NECAB2: variants seen among roughly 807,000 people sequenced by gnomAD.
The protein encoded by NECAB2 is N-terminal EF-hand calcium binding protein 2.
Under a neutral mutation model 51.9 loss-of-function variants are expected in NECAB2, and 68 were observed. The ratio of observed to expected loss-of-function variants is 1.31; its 90% CI spans 1.08 to 1.60. NECAB2 has a LOEUF of 1.60. Among genes scored for constraint, NECAB2 ranks in the 40% most tolerant of loss-of-function variants. NECAB2 has a pLI of 0.00. For missense variants in NECAB2, 854 were observed against 490.3 expected (o/e 1.74, Z -7.00); for synonymous variants, 329 against 203.5 (o/e 1.62, Z -5.25).
Position 84,002,360 on chromosome 16 carries a change from G to T in NECAB2, c.*14G>T. 2 of 1,613,710 alleles carry T rather than the reference G, an allele frequency of 1.2e-6. No individual in the cohort carries two copies. The highest frequency in any genetic ancestry group is 1.7e-6 in the Non-Finnish European group (2 of 1,179,792). On this transcript the variant is annotated 3_prime_UTR_variant, in exon 13 of 13. Coordinates refer to ENST00000305202, the MANE Select transcript of NECAB2 (RefSeq NM_019065.3). ...GGACGGGACTGACAGCCTCCCAGAG[G>T]CCCGTGGAGGAGCCCACCAGCCCCT... is the stretch of plus-strand genomic sequence containing the variant.
At chr16:84,000,069 TTTTA>T (rs773862940) in intron 10 of NECAB2, among the ~76,000 whole-genome samples, 10,136 of 151,840 alleles carry the variant, frequency 0.067, 1,068 homozygotes, top group African/African-American at 0.23. Context: ...TTTTTTTTTT[TTTTA>T]AAGAGACAGT....
At chr16:84,000,632 T>C (rs75429635) in intron 10 of NECAB2, 92 bp from the exon 11 acceptor site, 56 of 965,580 alleles carry the variant, frequency 5.8e-5, no homozygotes, top group African/African-American at 5.6e-4. Context: ...CCGTTGTGTA[T>C]AGTGGTGGGT....
At chr16:83,998,740 A>G (rs1436844705) in intron 10 of NECAB2, among the ~76,000 whole-genome samples, 1 of 152,134 alleles carries the variant, frequency 6.6e-6, no homozygotes, top group African/African-American at 2.4e-5. Flanking sequence ...TCAGTTAACC[A>G]CTGAGGAAGG....
intron 10 of NECAB2, among the ~76,000 whole-genome samples, chr16:83,999,819 T>C (rs2084785461): frequency 6.6e-6 from 1 of 152,006 alleles, no homozygotes. Flanking sequence ...GTTGCAAGGA[T>C]TAAATGAGAG....
At chr16:83,991,315 C>G (rs1369717214) in intron 6 of NECAB2, among the ~76,000 whole-genome samples, 1 of 151,324 alleles carries the variant, frequency 6.6e-6, no homozygotes, top group Non-Finnish European at 1.5e-5. Flanking sequence ...CTTTCTTTCT[C>G]TCTTTCTCTC....
chr16:83,982,141 A>C (rs9930835), intron 5 of NECAB2, among the ~76,000 whole-genome samples: 1,539 of 152,294 alleles, frequency 0.01, 26 homozygotes, highest in African/African-American at 0.035. Context: ...GGTTTGTATC[A>C]ATACGCTCCT....
At chr16:84,000,847 T>G (rs926667697) in intron 11 of NECAB2, 46 bp downstream of exon 11, 7 of 1,384,554 alleles carry the variant, frequency 5.1e-6, no homozygotes, top group African/African-American at 2.9e-5. Flanking sequence ...CAGAGGGAAG[T>G]GGGGGGGCTG....
At chr16:83,965,748 T>G, upstream of NECAB2, 1 of 1,613,496 alleles carries the variant, frequency 6.2e-7, no homozygotes, top group Non-Finnish European at 8.5e-7. Context: ...GTCTCCCTGG[T>G]GCTGGTCCTC....
At chr16:83,966,138 G>A (rs1008404221), upstream of NECAB2, 2 of 719,916 alleles carry the variant, frequency 2.8e-6, no homozygotes, top group South Asian at 1.9e-5. Context: ...TTGGGGTCAA[G>A]AGGAGTAGGG....
intron 9 of NECAB2, 119 bp from the exon 10 acceptor site, chr16:83,998,086 A>G: frequency 2.3e-6 from 2 of 865,112 alleles, no homozygotes; most frequent in Non-Finnish European, 3.6e-6. Flanking sequence ...GGTAAGAATG[A>G]AAAGTGGGGG....
At position 83,997,145 on chromosome 16, in the gene NECAB2, C is replaced by G. The variant is rs940176980; in HGVS notation, c.796-71C>G. On this transcript the variant is annotated intron_variant, in intron 8 of 12. Transcript: ENST00000305202. ...GGAGCTCCCAACAGCCCCAGGGATC[C>G]CAGAGCTCCTGGCTCCCCGGGGCGG... 4.4e-6 allele frequency: 7 copies of G among 1,600,768 alleles called. No individual in the cohort carries two copies. In the African/African-American group the frequency reaches 5.3e-5, roughly 12 times the overall value.
At chr16:83,987,402 G>A (rs553814348) in intron 5 of NECAB2, among the ~76,000 whole-genome samples, 10 of 152,154 alleles carry the variant, frequency 6.6e-5, no homozygotes, top group South Asian at 2.1e-4. Flanking sequence ...GTTGTTTGAC[G>A]CATATAGACT....
chr16:83,995,344 C>G (rs1226049638), intron 8 of NECAB2, among the ~76,000 whole-genome samples: 1 of 152,052 alleles, frequency 6.6e-6, no homozygotes, highest in Non-Finnish European at 1.5e-5. Context: ...TGACCCTGGG[C>G]CAGGGACTTG....
intron 5 of NECAB2, 66 bp downstream of exon 5, chr16:83,981,193 A>G: frequency 6.9e-7 from 1 of 1,440,996 alleles, no homozygotes. Flanking sequence ...ACCCTTGCCT[A>G]AGGATGCCTG....
In NECAB2 at chr16:83,998,167, A is replaced by C. The variant is rs376438186; in HGVS notation, c.850-38A>C. ...ATGGGGTGTTTAGGGAGAAGGCCTGACGTGGAGCCCCACACTGACTCCTGC... is the reference window on the plus strand; with the variant it reads ...ATGGGGTGTTTAGGGAGAAGGCCTGCCGTGGAGCCCCACACTGACTCCTGC... On this transcript the variant is annotated intron_variant, in intron 9 of 12. Transcript: ENST00000305202. 3 of 1,589,242 alleles carry C rather than the reference A, an allele frequency of 1.9e-6. No individual in the cohort carries two copies. In the African/African-American group the frequency reaches 4.0e-5, roughly 21 times the overall value.
chr16:83,971,222 A>G (rs1260928703), intron 1 of NECAB2, among the ~76,000 whole-genome samples: 2 of 152,170 alleles, frequency 1.3e-5, no homozygotes, highest in African/African-American at 4.8e-5. Flanking sequence ...CAGGACCCAA[A>G]CAGCTCCTGT....
intron 10 of NECAB2, 60 bp from the exon 11 acceptor site, chr16:84,000,664 A>G (rs767528114): frequency 6.8e-7 from 1 of 1,463,220 alleles, no homozygotes; most frequent in Non-Finnish European, 9.6e-7. Flanking sequence ...CCAGGGGAAC[A>G]GCACTGAGGT....
At chr16:84,000,687 GCTCCAGCCTCCT>G (rs747271550) in intron 10 of NECAB2, 25 bp from the exon 11 acceptor site, 2 of 1,603,980 alleles carry the variant, frequency 1.2e-6, no homozygotes, top group South Asian at 2.2e-5. Flanking sequence ...CCTTGGTTGA[GCTCCAGCCTCCT>G]CCCCCCGACC....
At chr16:83,987,643 A>C (rs1842646833) in intron 5 of NECAB2, among the ~76,000 whole-genome samples, 1 of 152,190 alleles carries the variant, frequency 6.6e-6, no homozygotes, top group African/African-American at 2.4e-5. Flanking sequence ...AAAACTTTTC[A>C]AAAGCATCAT....
Sources: allele counts gnomAD v4.1 joint callset (sites outside exome capture counted in the v4.1 genomes callset), GRCh38; gene constraint gnomAD v4.1.1; transcripts MANE v1.5; gene names NCBI Gene and HGNC (gene_info 2026-07-23, HGNC 2026-07-21).